The following GALNT13 variants were observed in gnomAD, a reference collection of about 807,000 sequenced individuals.
GALNT13 encodes UDP-GalNAc:polypeptide N-acetylgalactosaminyltransferase 13.
Under a neutral mutation model 64.2 loss-of-function variants are expected in GALNT13, and 28 were observed. That is an observed-to-expected ratio of 0.44 (90% CI 0.32 to 0.60). The LOEUF is 0.60. Among genes scored for constraint, GALNT13 ranks in the 20% least tolerant of loss-of-function variants. The pLI is 0.05. For missense variants in GALNT13, 577 were observed against 669.8 expected (o/e 0.86, Z 1.53); for synonymous variants, 214 against 224.6 (o/e 0.95, Z 0.42).
intron 4 of GALNT13, among the ~76,000 whole-genome samples, chr2:154,211,651 A>AAAAAAAAAG (rs1687777905): frequency 6.8e-6 from 1 of 147,796 alleles, no homozygotes; most frequent in African/African-American, 2.5e-5. Context: ...AAAAAAAAAA[A>AAAAAAAAAG]AAAAGAAAAG....
the GALNT13 span, among the ~76,000 whole-genome samples, chr2:153,480,665 T>C: frequency 6.6e-6 from 1 of 152,096 alleles, no homozygotes; most frequent in Non-Finnish European, 1.5e-5. Flanking sequence ...AATGTATACA[T>C]GGAAAAAATT....
chr2:153,789,098 A>T, the GALNT13 span, among the ~76,000 whole-genome samples: 3 of 152,202 alleles, frequency 2.0e-5, no homozygotes, highest in African/African-American at 2.4e-5. Context: ...GACCAAATGG[A>T]TATGATAGAT....
chr2:153,676,427 C>T, the GALNT13 span, among the ~76,000 whole-genome samples: 2 of 151,988 alleles, frequency 1.3e-5, no homozygotes, highest in Admixed American at 1.3e-4. Flanking sequence ...CTGAATTCTA[C>T]CAGATGTATA....
intron 3 of GALNT13, among the ~76,000 whole-genome samples, chr2:154,059,663 A>T (rs1574427214): frequency 1.3e-5 from 2 of 152,316 alleles, no homozygotes; most frequent in East Asian, 3.9e-4. Context: ...TTTCATACTT[A>T]TTCACAAAGC....
intron 3 of GALNT13, among the ~76,000 whole-genome samples, chr2:154,071,163 T>G (rs918179729): frequency 2.0e-5 from 3 of 152,172 alleles, no homozygotes; most frequent in Non-Finnish European, 4.4e-5. Context: ...ATTCATGACT[T>G]ATTTCTTGCA....
At chr2:153,906,968 G>T (rs1246596382) in intron 2 of GALNT13, among the ~76,000 whole-genome samples, 1 of 151,752 alleles carries the variant, frequency 6.6e-6, no homozygotes, top group African/African-American at 2.4e-5. Context: ...TCTCATTGTG[G>T]TTTTGATTTG....
the GALNT13 span, among the ~76,000 whole-genome samples, chr2:153,378,729 T>C: frequency 1.3e-5 from 2 of 152,130 alleles, no homozygotes; most frequent in African/African-American, 4.8e-5. Flanking sequence ...TTTAAACGCT[T>C]GAAAAATATA....
chr2:153,794,524 CTT>C, the GALNT13 span, among the ~76,000 whole-genome samples: 18 of 146,348 alleles, frequency 1.2e-4, no homozygotes, highest in South Asian at 2.2e-3. Flanking sequence ...ATTAGAATAA[CTT>C]TTTTTTTTTT....
chr2:154,385,384 CATGTTCTGTACCCAGGAAA>C (rs1698463654), intron 9 of GALNT13, among the ~76,000 whole-genome samples: 1 of 151,888 alleles, frequency 6.6e-6, no homozygotes, highest in Non-Finnish European at 1.5e-5. Context: ...TGATAATTAC[CATGTTCTGTACCCAGGAAA>C]ATATTTCCCT....
chr2:153,744,477 T>C, the GALNT13 span, among the ~76,000 whole-genome samples: 1 of 152,222 alleles, frequency 6.6e-6, no homozygotes, highest in Non-Finnish European at 1.5e-5. Context: ...GTATGTCTTC[T>C]TTTGAAAAGT....
chr2:153,708,092 T>G, the GALNT13 span, among the ~76,000 whole-genome samples: 5 of 152,134 alleles, frequency 3.3e-5, no homozygotes, highest in Non-Finnish European at 7.4e-5. Flanking sequence ...TAAGCTCTGG[T>G]TCACTTTTAT....
At chr2:154,360,018 A>T (rs1418172423) in intron 9 of GALNT13, among the ~76,000 whole-genome samples, 1 of 152,166 alleles carries the variant, frequency 6.6e-6, no homozygotes, top group African/African-American at 2.4e-5. Context: ...TATTATGTCT[A>T]AGAAAATGTA....
At chr2:153,970,040 G>A (rs888159340) in intron 3 of GALNT13, among the ~76,000 whole-genome samples, 2 of 152,092 alleles carry the variant, frequency 1.3e-5, no homozygotes, top group African/African-American at 2.4e-5. Flanking sequence ...TGTTTACTAC[G>A]TAGCATGCCA....
chr2:153,095,231 T>C, the GALNT13 span, among the ~76,000 whole-genome samples: 1 of 152,222 alleles, frequency 6.6e-6, no homozygotes, highest in East Asian at 1.9e-4. Context: ...GGGCAAAGGA[T>C]ATGAACAGAT....
chr2:154,316,729 A>G (rs1326108030), intron 9 of GALNT13, among the ~76,000 whole-genome samples: 2 of 152,154 alleles, frequency 1.3e-5, no homozygotes, highest in South Asian at 2.1e-4. Flanking sequence ...TTTTGCCCCA[A>G]GTCCCAGTGT....
At chr2:153,578,312 C>T in the GALNT13 span, among the ~76,000 whole-genome samples, 1 of 152,126 alleles carries the variant, frequency 6.6e-6, no homozygotes, top group African/African-American at 2.4e-5. Flanking sequence ...AAGCTTTCTT[C>T]TGGTATAGCC....
intron 8 of GALNT13, among the ~76,000 whole-genome samples, chr2:154,270,347 G>A (rs1691287107): frequency 6.6e-6 from 1 of 151,846 alleles, no homozygotes; most frequent in South Asian, 2.1e-4. Flanking sequence ...TTGTTTAGAT[G>A]CACTAAAACT....
the GALNT13 span, among the ~76,000 whole-genome samples, chr2:153,166,932 A>T: frequency 2.0e-5 from 3 of 152,210 alleles, no homozygotes; most frequent in Non-Finnish European, 2.9e-5. Context: ...AATTCTACCA[A>T]CAACCATGTG....
At chr2:154,378,146 C>A (rs1698088604) in intron 9 of GALNT13, among the ~76,000 whole-genome samples, 1 of 152,084 alleles carries the variant, frequency 6.6e-6, no homozygotes, top group Non-Finnish European at 1.5e-5. Context: ...CAGAGAACGC[C>A]AATTCTCTGT....
Sources: allele counts gnomAD v4.1 joint callset (sites outside exome capture counted in the v4.1 genomes callset), GRCh38; gene constraint gnomAD v4.1.1; transcripts MANE v1.5; gene names NCBI Gene and HGNC (gene_info 2026-07-23, HGNC 2026-07-21).